The following MBNL2 variants were observed in gnomAD, a reference collection of about 807,000 sequenced individuals.
The protein encoded by MBNL2 is muscleblind-like protein 2.
A neutral mutation model predicts 41.9 loss-of-function variants in MBNL2; 17 were observed. That is an observed-to-expected ratio of 0.41 (90% CI 0.28 to 0.61). MBNL2 has a LOEUF of 0.61. Among genes scored for constraint, MBNL2 ranks in the 20% least tolerant of loss-of-function variants. MBNL2 has a pLI of 0.35. For synonymous variants in MBNL2, 195 were observed against 182.9 expected (o/e 1.07, Z -0.53); for missense variants, 336 against 505.6 (o/e 0.66, Z 3.22).
intron 8 of MBNL2, 24 bp downstream of exon 8, chr13:97,365,195 G>A: frequency 6.5e-7 from 1 of 1,531,916 alleles, no homozygotes; most frequent in Non-Finnish European, 9.0e-7. Flanking sequence ...TTTTTTATTT[G>A]TCTTTTATAT....
At chr13:97,359,568 A>G (rs961152773) in intron 7 of MBNL2, among the ~76,000 whole-genome samples, 3 of 152,216 alleles carry the variant, frequency 2.0e-5, no homozygotes, top group Non-Finnish European at 4.4e-5. Context: ...TCCCTTACGC[A>G]ACGACCTGAT....
intron 1 of MBNL2, among the ~76,000 whole-genome samples, chr13:97,264,576 C>T (rs532780295): frequency 1.3e-5 from 2 of 152,082 alleles, no homozygotes; most frequent in South Asian, 2.1e-4. Flanking sequence ...ATGTAAATTA[C>T]AGTATTTATA....
At chr13:97,158,646 G>T in the MBNL2 span, among the ~76,000 whole-genome samples, 1 of 151,460 alleles carries the variant, frequency 6.6e-6, no homozygotes, top group Non-Finnish European at 1.5e-5. Flanking sequence ...CCTTCATTTC[G>T]TTATGTACCC....
At chr13:97,143,709 A>G in the MBNL2 span, among the ~76,000 whole-genome samples, 1 of 152,240 alleles carries the variant, frequency 6.6e-6, no homozygotes, top group African/African-American at 2.4e-5. Context: ...ATTGATACTG[A>G]GTAAACTCTC....
chr13:97,331,921 G>T (rs900266940), intron 2 of MBNL2, among the ~76,000 whole-genome samples: 1 of 152,152 alleles, frequency 6.6e-6, no homozygotes, highest in Non-Finnish European at 1.5e-5. Context: ...GTTTTATCAA[G>T]AGATAAGAGC....
the MBNL2 span, among the ~76,000 whole-genome samples, chr13:97,181,490 A>G: frequency 6.6e-6 from 1 of 152,200 alleles, no homozygotes; most frequent in African/African-American, 2.4e-5. Flanking sequence ...GAGCCAGGGG[A>G]AATGATGAAA....
At chr13:97,327,536 G>C (rs367649013) in intron 2 of MBNL2, among the ~76,000 whole-genome samples, 1 of 126,732 alleles carries the variant, frequency 7.9e-6, no homozygotes, top group African/African-American at 3.2e-5. Context: ...TGAGGCACAG[G>C]CACAGACTAT....
chr13:97,370,295 A>G (rs939367060), intron 8 of MBNL2, among the ~76,000 whole-genome samples: 1 of 152,190 alleles, frequency 6.6e-6, no homozygotes, highest in Non-Finnish European at 1.5e-5. Flanking sequence ...TCAAGCTAAG[A>G]TGAATCTTAC....
chr13:97,209,083 A>G, the MBNL2 span, among the ~76,000 whole-genome samples: 1 of 152,216 alleles, frequency 6.6e-6, no homozygotes, highest in Non-Finnish European at 1.5e-5. Context: ...ACAATAAATG[A>G]ATTCAAAATC....
At chr13:97,163,828 G>T in the MBNL2 span, among the ~76,000 whole-genome samples, 1 of 152,178 alleles carries the variant, frequency 6.6e-6, no homozygotes, top group South Asian at 2.1e-4. Context: ...TGGACACAGG[G>T]ACACAAACAG....
chr13:97,294,624 G>C (rs1341407628), intron 2 of MBNL2, among the ~76,000 whole-genome samples: 1 of 152,178 alleles, frequency 6.6e-6, no homozygotes, highest in Non-Finnish European at 1.5e-5. Flanking sequence ...CCAGTGTTCT[G>C]TATCTTTAGA....
rs1340718253 is a variant in MBNL2 at position 97,357,544 on chromosome 13, T to A, written c.921T>A (p.Gly307=). 6.8e-6 allele frequency: 11 copies of A among 1,614,016 alleles called. No homozygotes were observed. The highest frequency in any genetic ancestry group is 9.3e-6 in the Non-Finnish European group (11 of 1,179,996). Residue 307 remains glycine, a synonymous_variant, in exon 7 of 9, where the codon GGT becomes GGA. Coordinates refer to ENST00000679496, the MANE Select transcript of MBNL2 (RefSeq NM_001382683.1). ...GACAAGCACTTGAAAAAAGCAATGG[T>A]ACCAGCGCGGTCTTTAACCCCAGCG... The part of the protein sequence containing the change: ...PKRQALEKSN[G]TSAVFNPSVL...
intron 2 of MBNL2, among the ~76,000 whole-genome samples, chr13:97,319,168 T>TG (rs2059296466): frequency 6.6e-6 from 1 of 152,070 alleles, no homozygotes; most frequent in South Asian, 2.1e-4. Flanking sequence ...ACCTTGAACT[T>TG]GGAGGCAAAA....
chr13:97,361,709 C>G (rs952930298), intron 7 of MBNL2, among the ~76,000 whole-genome samples: 3 of 151,870 alleles, frequency 2.0e-5, no homozygotes, highest in Admixed American at 6.6e-5. Context: ...AAGACACCCC[C>G]CTCCACACTG....
chr13:97,161,363 C>A, the MBNL2 span, among the ~76,000 whole-genome samples: 177 of 152,284 alleles, frequency 1.2e-3, no homozygotes, highest in African/African-American at 4.1e-3. Context: ...CTACATTGAA[C>A]CTCACCATTG....
At chr13:97,241,695 C>T (rs538904882) in intron 1 of MBNL2, among the ~76,000 whole-genome samples, 17 of 152,252 alleles carry the variant, frequency 1.1e-4, no homozygotes, top group South Asian at 4.1e-4. Flanking sequence ...CACACACGCA[C>T]GTGTGCAACA....
At chr13:97,174,537 A>T in the MBNL2 span, among the ~76,000 whole-genome samples, 1 of 152,254 alleles carries the variant, frequency 6.6e-6, no homozygotes, top group Non-Finnish European at 1.5e-5. Context: ...AAAAGAGCTG[A>T]AAGCTACATG....
At chr13:97,175,210 C>T in the MBNL2 span, among the ~76,000 whole-genome samples, 2 of 152,154 alleles carry the variant, frequency 1.3e-5, no homozygotes, top group South Asian at 2.1e-4. Context: ...GTGGGCTCTT[C>T]CTACCCAATC....
chr13:97,314,412 A>G (rs2058861020), intron 2 of MBNL2, among the ~76,000 whole-genome samples: 1 of 152,106 alleles, frequency 6.6e-6, no homozygotes, highest in Admixed American at 6.5e-5. Flanking sequence ...CATATTCACT[A>G]CATGTTGTAT....
Sources: gnomAD v4.1 joint callset for allele counts (sites outside exome capture counted in the v4.1 genomes callset) on GRCh38, gnomAD v4.1.1 for gene constraint, MANE v1.5 for transcripts, NCBI Gene and HGNC (gene_info 2026-07-23, HGNC 2026-07-21) for gene names.